ARPP21: variants seen among roughly 807,000 people sequenced by gnomAD.
The protein encoded by ARPP21 is cAMP-regulated phosphoprotein 21.
In ARPP21, 69 loss-of-function variants were observed where a neutral mutation model predicts 113.2. That is an observed-to-expected ratio of 0.61 (90% CI 0.50 to 0.74). The LOEUF (loss-of-function observed/expected upper bound fraction) is 0.74. ARPP21 is among the 30% of genes least tolerant of loss of function. ARPP21 has a pLI of 0.00. For synonymous variants in ARPP21, 368 were observed against 375.5 expected, an observed-to-expected ratio of 0.98 and a Z score of 0.23; for missense variants, 1,070 against 1,037.4, an observed-to-expected ratio of 1.03 and a Z score of -0.43.
intron 19 of ARPP21, among the ~76,000 whole-genome samples, chr3:35,755,348 T>C (rs1344135446): frequency 5.9e-5 from 9 of 152,060 alleles, no homozygotes; most frequent in African/African-American, 2.2e-4. Context: ...TTTCTCATTG[T>C]ATTTTCTATC....
Position 35,793,753 on chromosome 3 carries a change from CA to C in ARPP21, c.2341del (p.Ile781SerfsTer34). On this transcript the variant is annotated frameshift_variant, in exon 21 of 21. Coordinates refer to ENST00000684406, the MANE Select transcript of ARPP21 (RefSeq NM_001385562.1). LOFTEE classifies it high-confidence loss of function. ...QGLPQQSYQQ[P>X]IMLPNQAGQG... is the part of the protein sequence containing the mutation. ...CTGCCCCAGCAGTCATACCAACAGC[CA>C]ATCATGCTACCTAACCAGGCAGGTC... is the stretch of plus-strand genomic sequence containing the variant. 6.2e-7 allele frequency: 1 copy of C among 1,613,762 alleles called. No individual in the cohort carries two copies. The highest frequency in any genetic ancestry group is 8.5e-7 in the Non-Finnish European group (1 of 1,179,650).
chr3:35,650,455 CA>C (rs960806837), intron 1 of ARPP21: 11 of 152,034 alleles, frequency 7.2e-5, no homozygotes, highest in African/African-American at 2.7e-4. Flanking sequence ...GAGAGTTTCA[CA>C]AAAATCCAAA....
rs756199525 is a variant in ARPP21 at position 35,793,859 on chromosome 3, T to C, written c.2445T>C (p.Ile815=). The C allele has an allele frequency of 6.2e-7, 1 of 1,614,202 alleles. No homozygotes were observed. Among genetic ancestry groups the C allele is most frequent in the South Asian group, 1.1e-5 (1 of 91,088 alleles). ...CCCCTCAGAACAACCTTAGGCTGAT[T>C]GGCCCACACTGCCCCTCCAGCACTG... ...PPTPQNNLRL[I]GPHCPSSTVP... is the part of the protein sequence containing the mutation. The change falls in exon 21 of 21, where the codon ATT becomes ATC. Residue 815 remains isoleucine, a synonymous_variant. Coordinates refer to ENST00000684406, the MANE Select transcript of ARPP21 (RefSeq NM_001385562.1).
rs73825898 is a variant in ARPP21 at position 35,671,608 on chromosome 3, G to T, written c.-212-8179G>T. On this transcript the variant is annotated intron_variant, in intron 1 of 20. Transcript: ENST00000684406. ...TTAAGAGGAGGCAGAGCAGGCACAT[G>T]TGATGAGAATATATTATCTTCCACT... Among the ~76,000 whole-genome samples the T allele has an allele frequency of 5.2e-3, 796 of 152,178 alleles. 8 individuals are homozygous for T. The highest frequency in any genetic ancestry group is 0.017 in the African/African-American group (712 of 41,526).
chr3:35,647,916 T>C (rs1700858728), intron 1 of ARPP21, among the ~76,000 whole-genome samples: 1 of 152,176 alleles, frequency 6.6e-6, no homozygotes, highest in Non-Finnish European at 1.5e-5. Flanking sequence ...ACAAAGCACT[T>C]GACACATGGA....
intron 1 of ARPP21, among the ~76,000 whole-genome samples, chr3:35,666,929 G>A (rs2074522196): frequency 6.6e-6 from 1 of 152,126 alleles, no homozygotes; most frequent in Admixed American, 6.5e-5. Flanking sequence ...ATTGCCACTG[G>A]CATCACTATG....
chr3:35,663,596 G>A (rs1305875569), intron 1 of ARPP21, among the ~76,000 whole-genome samples: 1 of 152,126 alleles, frequency 6.6e-6, no homozygotes, highest in Non-Finnish European at 1.5e-5. Flanking sequence ...GTTGATCGGA[G>A]ACAGATCTGG....
chr3:35,707,259 T>C (rs2149998149), intron 10 of ARPP21, among the ~76,000 whole-genome samples, 177 bp downstream of exon 10: 1 of 151,894 alleles, frequency 6.6e-6, no homozygotes, highest in Admixed American at 6.6e-5. Context: ...ATTCAATGGG[T>C]AGCAAAAAAA....
chr3:35,717,273 T>TA lies in ARPP21; in HGVS notation c.936-20dup, dbSNP rs759833430. The TA allele has an allele frequency of 6.0e-6, 9 of 1,496,768 alleles. No individual in the cohort carries two copies. The East Asian group carries it at 1.8e-4, about 30-fold the overall frequency. 92.7% of individuals were successfully genotyped at this position (1,496,768 alleles called of 1,614,324 possible). ...TTTAGTACCCTTAGGTTTTATATCA[T>TA]AAAAATCATGTTTTTCATTTCCAGT... On this transcript the variant is annotated intron_variant, in intron 12 of 20. Coordinates refer to ENST00000684406, the MANE Select transcript of ARPP21 (RefSeq NM_001385562.1).
In ARPP21 at chr3:35,694,081, CT is replaced by C. The variant is rs2083067845; in HGVS notation, c.686+3078del. 9.2e-5 allele frequency among the ~76,000 whole-genome samples: 14 copies of C among 151,556 alleles called. No homozygotes were observed. The South Asian group carries it at 2.9e-3, about 31-fold the overall frequency. ...TAAATAATTGTAACTATTTCAGCTC[CT>C]TATTGGCTAGAATTTATTTCCCAGA... On this transcript the variant is annotated intron_variant, in intron 9 of 20. Transcript: ENST00000684406.
chr3:35,702,251 A>T (rs1326261906), intron 9 of ARPP21, among the ~76,000 whole-genome samples: 1 of 151,678 alleles, frequency 6.6e-6, no homozygotes, highest in East Asian at 1.9e-4. Flanking sequence ...ATATTATTGG[A>T]TATAATTTTA....
At chr3:35,659,665 T>C (rs1355158328) in intron 1 of ARPP21, among the ~76,000 whole-genome samples, 1 of 152,128 alleles carries the variant, frequency 6.6e-6, no homozygotes, top group African/African-American at 2.4e-5. Flanking sequence ...TCATGAAAAG[T>C]GGGCGGTAGA....
intron 1 of ARPP21, among the ~76,000 whole-genome samples, chr3:35,668,008 GAAGAAGAAGAAGAAGA>G (rs2075225698): frequency 1.3e-5 from 2 of 150,392 alleles, no homozygotes; most frequent in Admixed American, 6.6e-5. Context: ...AGAAGAAGAA[GAAGAAGAAGAAGAAGA>G]AGAAGAAGGA....
At chr3:35,660,069 C>A (rs1575517651) in intron 1 of ARPP21, among the ~76,000 whole-genome samples, 6 of 152,176 alleles carry the variant, frequency 3.9e-5, no homozygotes, top group Admixed American at 3.9e-4. Context: ...GACAAGCCTT[C>A]CTGGCATCCT....
intron 19 of ARPP21, among the ~76,000 whole-genome samples, chr3:35,747,321 C>A (rs896750533): frequency 7.0e-6 from 1 of 142,680 alleles, no homozygotes; most frequent in Non-Finnish European, 1.5e-5. Context: ...CACCATTGCA[C>A]TCCAAATCCA....
At chr3:35,765,260 C>T (rs1435024068) in intron 19 of ARPP21, among the ~76,000 whole-genome samples, 1 of 152,064 alleles carries the variant, frequency 6.6e-6, no homozygotes, top group African/African-American at 2.4e-5. Context: ...AAATTCTAAG[C>T]AGGATTGCCT....
intron 10 of ARPP21, among the ~76,000 whole-genome samples, chr3:35,708,755 C>A (rs942273120): frequency 2.6e-5 from 4 of 152,206 alleles, no homozygotes; most frequent in Admixed American, 1.3e-4. Flanking sequence ...AGTGAGGAAC[C>A]AACCAGCAGC....
intron 3 of ARPP21, among the ~76,000 whole-genome samples, 157 bp from the exon 4 acceptor site, chr3:35,682,691 T>C (rs923339380): frequency 6.6e-6 from 1 of 151,724 alleles, no homozygotes; most frequent in African/African-American, 2.4e-5. Flanking sequence ...TCCTCCCTAA[T>C]GGTTGTGATG....
chr3:35,640,900 G>A (rs1464968041), intron 1 of ARPP21: 1 of 152,166 alleles, frequency 6.6e-6, no homozygotes, highest in African/African-American at 2.4e-5. Context: ...AGATATGGTG[G>A]TAGAATTGAG....
Sources: gnomAD v4.1 joint callset for allele counts (sites outside exome capture counted in the v4.1 genomes callset) on GRCh38, gnomAD v4.1.1 for gene constraint, MANE v1.5 for transcripts, NCBI Gene and HGNC (gene_info 2026-07-23, HGNC 2026-07-21) for gene names.